AMPD3: variants seen among roughly 807,000 people sequenced by gnomAD.
The protein encoded by AMPD3 is adenosine monophosphate deaminase 3.
In AMPD3, 57 loss-of-function variants were observed where a neutral mutation model predicts 82.3. The observed-to-expected ratio is 0.69, with a 90% CI of 0.56 to 0.86. AMPD3 has a LOEUF of 0.86. AMPD3 is among the 40% of genes least tolerant of loss of function. AMPD3 has a pLI of 0.00. For missense variants in AMPD3, 870 were observed against 1,003.8 expected, an observed-to-expected ratio of 0.87 and a Z score of 1.80; for synonymous variants, 381 against 394.7, an observed-to-expected ratio of 0.97 and a Z score of 0.41.
chr11:10,503,885 C>T (rs1185491235), intron 13 of AMPD3: 10 of 855,436 alleles, frequency 1.2e-5, no homozygotes, highest in Non-Finnish European at 1.4e-5. Context: ...TTAGGACCCT[C>T]AGGGGTCCTT....
chr11:10,477,102 G>A (rs766573474), intron 2 of AMPD3: 13 of 985,328 alleles, frequency 1.3e-5, no homozygotes, highest in African/African-American at 1.7e-5. Context: ...TTGAAAACTC[G>A]GCAGTGAGGA....
upstream of AMPD3, among the ~76,000 whole-genome samples, chr11:10,454,364 G>C (rs1848034265): frequency 6.6e-6 from 1 of 152,186 alleles, no homozygotes; most frequent in African/African-American, 2.4e-5. Flanking sequence ...CTTTCTCTAA[G>C]TTGGAAAATG....
intron 5 of AMPD3, 88 bp downstream of exon 5, chr11:10,485,127 G>T: frequency 7.8e-7 from 1 of 1,290,142 alleles, no homozygotes. Context: ...CTCTGCCCTG[G>T]GGTCCCCTGT....
rs1373921391 is a variant in AMPD3 at position 10,487,365 on chromosome 11, G to T, written c.939+1G>T. On this transcript the variant is annotated splice_donor_variant, in intron 6 of 14. Transcript: ENST00000396553. LOFTEE classifies it high-confidence loss of function. ...CCGGGACTTCTATAACGTGAGAAAG[G>T]TGCGTTAGGGGCGAGTGTTCACAGC... The T allele has an allele frequency of 1.9e-6, 3 of 1,613,918 alleles. No individual in the cohort carries two copies. Among genetic ancestry groups the T allele is most frequent in the East Asian group, 4.5e-5 (2 of 44,888 alleles).
chr11:10,463,919 C>T (rs1389486136), intron 2 of AMPD3, among the ~76,000 whole-genome samples: 1 of 152,212 alleles, frequency 6.6e-6, no homozygotes, highest in Non-Finnish European at 1.5e-5. Context: ...CAGAGGAAGA[C>T]ATCCTGCCTC....
At chr11:10,503,460 A>G (rs902365656) in intron 13 of AMPD3, among the ~76,000 whole-genome samples, 11 of 152,180 alleles carry the variant, frequency 7.2e-5, no homozygotes, top group African/African-American at 2.7e-4. Flanking sequence ...TTGCTTAACA[A>G]AAACAGAAGC....
At chr11:10,497,253 C>T (rs569965696) in intron 10 of AMPD3, among the ~76,000 whole-genome samples, 5 of 151,774 alleles carry the variant, frequency 3.3e-5, no homozygotes, top group Admixed American at 3.3e-4. Flanking sequence ...GCTGGAAAGG[C>T]TGGATCTAGC....
intron 4 of AMPD3, 145 bp from the exon 5 acceptor site, chr11:10,484,675 G>A (rs1849011085): frequency 1.7e-6 from 2 of 1,206,990 alleles, no homozygotes; most frequent in Admixed American, 4.1e-5. Flanking sequence ...GAGACAAAAG[G>A]AAGCAGGGAA....
chr11:10,484,315 C>A, intron 4 of AMPD3: 1 of 985,354 alleles, frequency 1.0e-6, no homozygotes, highest in Non-Finnish European at 1.2e-6. Context: ...ATCCTTTGCT[C>A]CTTTGGGGAG....
intron 2 of AMPD3, 107 bp from the exon 3 acceptor site, chr11:10,478,419 G>T: frequency 6.3e-7 from 1 of 1,578,242 alleles, no homozygotes; most frequent in South Asian, 1.1e-5. Flanking sequence ...CAGCACCAGT[G>T]ATTAATCATA....
intron 4 of AMPD3, chr11:10,484,123 G>A: frequency 2.5e-6 from 1 of 394,806 alleles, no homozygotes; most frequent in Non-Finnish European, 3.4e-6. Context: ...AAGGCAGGGG[G>A]TGTTATCTTC....
In AMPD3 at chr11:10,500,241, C is replaced by T; in HGVS notation, c.1713C>T (p.Asn571=). The T allele has an allele frequency of 6.2e-7, 1 of 1,614,250 alleles. No homozygotes were observed. Among genetic ancestry groups the T allele is most frequent in the Non-Finnish European group, 8.5e-7 (1 of 1,180,048 alleles). ...YMYANIMVLN[N]LRRERGLSTF... ...ATGCCAACATCATGGTGCTCAACAA[C>T]CTCCGCAGGTGCGTGAGGCCTGCCC... Residue 571 remains asparagine (N), a synonymous_variant, in exon 11 of 15, where the codon AAC becomes AAT. Coordinates refer to ENST00000396553, the MANE Select transcript of AMPD3 (RefSeq NM_001025389.2).
intron 4 of AMPD3, chr11:10,484,081 A>G (rs889866576): frequency 2.3e-5 from 4 of 172,906 alleles, no homozygotes; most frequent in Non-Finnish European, 4.6e-5. Flanking sequence ...ATTTTCCTAT[A>G]CACACTATTG....
intron 2 of AMPD3, among the ~76,000 whole-genome samples, chr11:10,475,780 G>C (rs1047636605): frequency 6.6e-6 from 1 of 152,174 alleles, no homozygotes; most frequent in South Asian, 2.1e-4. Context: ...GATGAAGGGG[G>C]CTATGTGCAG....
chr11:10,494,514 A>AC, intron 7 of AMPD3: 2 of 979,410 alleles, frequency 2.0e-6, no homozygotes, highest in Non-Finnish European at 1.2e-6. Flanking sequence ...TAGAACAAAA[A>AC]AAACTTTTGT....
At chr11:10,497,758 C>A (rs960803927) in intron 10 of AMPD3, 2 of 985,144 alleles carry the variant, frequency 2.0e-6, no homozygotes, top group Admixed American at 1.2e-4. Flanking sequence ...AGGGGCCTGC[C>A]TGGAGACAGG....
chr11:10,477,151 G>A (rs1264442527), intron 2 of AMPD3: 1 of 979,614 alleles, frequency 1.0e-6, no homozygotes, highest in Non-Finnish European at 1.2e-6. Flanking sequence ...GCTGCTTCTG[G>A]GTAAGCCCTG....
chr11:10,458,078 G>T (rs539154730), intron 1 of AMPD3, among the ~76,000 whole-genome samples: 1 of 152,122 alleles, frequency 6.6e-6, no homozygotes, highest in South Asian at 2.1e-4. Flanking sequence ...GCTGCTGGTG[G>T]TGGATGGCTT....
intron 2 of AMPD3, among the ~76,000 whole-genome samples, chr11:10,465,546 G>A (rs913112280): frequency 5.9e-5 from 9 of 152,210 alleles, no homozygotes; most frequent in South Asian, 2.1e-4. Context: ...GTTGGACAGC[G>A]GGTGCAGCCC....
Sources: allele counts gnomAD v4.1 joint callset (sites outside exome capture counted in the v4.1 genomes callset), GRCh38; gene constraint gnomAD v4.1.1; transcripts MANE v1.5; gene names NCBI Gene and HGNC (gene_info 2026-07-23, HGNC 2026-07-21).